ZEB1: variants seen among roughly 807,000 people sequenced by gnomAD.
ZEB1 encodes the protein zinc finger E-box-binding homeobox 1.
ZEB1 carries 21 observed loss-of-function variants against 84.9 expected under a neutral mutation model. The observed-to-expected ratio is 0.25, with a 90% CI of 0.18 to 0.36. The LOEUF (loss-of-function observed/expected upper bound fraction) is 0.36, where lower values mean the gene tolerates loss of function less well. ZEB1 is among the 10% of genes least tolerant of loss of function. The probability of loss-of-function intolerance (pLI) is 1.00; values close to 1 mark genes in which losing one functional copy is unlikely to be tolerated. For synonymous variants in ZEB1, 420 were observed against 471.1 expected (o/e 0.89, Z 1.41); for missense variants, 1,104 against 1,330.2 (o/e 0.83, Z 2.65).
At chr10:31,322,150 A>G (rs959130531) in intron 1 of ZEB1, 4 of 153,042 alleles carry the variant, frequency 2.6e-5, no homozygotes, top group Admixed American at 6.5e-5. Flanking sequence ...AATGCATTTC[A>G]TCCATTGCTG....
chr10:31,382,025 A>AAAAAAAAAAAAAAAAAAAC (rs1564659083), intron 1 of ZEB1, among the ~76,000 whole-genome samples: 1 of 146,162 alleles, frequency 6.8e-6, no homozygotes, highest in African/African-American at 2.7e-5. Flanking sequence ...AAAAAAAAAA[A>AAAAAAAAAAAAAAAAAAAC]AAAAAAAAAC....
rs1347337928 is a variant in ZEB1, at chr10:31,321,049, T to A, written c.58+1757T>A. 4.1e-6 allele frequency: 3 copies of A among 734,946 alleles called. No homozygotes were observed. In the African/African-American group the frequency reaches 5.7e-5, roughly 14 times the overall value. The allele number at this position is 734,946 out of a possible 1,614,324, so 45.5% of individuals were successfully genotyped here. A position where few individuals can be genotyped will look rare whatever the true frequency, so the allele number is the denominator to read the frequency against. The stretch of plus-strand genomic sequence containing the variant: ...ATAAATGCGTCTATAATGGGACCGC[T>A]GCAGCGTCGAGAAAACGAGGAAATA... On this transcript the variant is annotated intron_variant, in intron 1 of 8. Transcript: ENST00000424869.
chr10:31,415,097 G>A lies in ZEB1; in HGVS notation c.59-45940G>A, dbSNP rs112139244. On this transcript the variant is annotated intron_variant, in intron 1 of 8. Transcript: ENST00000424869. ...ACTTTGCCCACCTCCATCTTCTTAC[G>A]TTACAAAGAACTTTCATCTGCTAGG... Among the ~76,000 whole-genome samples, 652 of 152,120 alleles carry A rather than the reference G, an allele frequency of 4.3e-3. 8 individuals carry two copies. The highest frequency in any genetic ancestry group is 0.026 in the East Asian group (136 of 5,184).
chr10:31,363,342 G>C, intron 1 of ZEB1: 1 of 1,534,116 alleles, frequency 6.5e-7, no homozygotes, highest in Non-Finnish European at 8.7e-7. Flanking sequence ...CGACTCCATG[G>C]CCCTTGGAGT....
intron 6 of ZEB1, among the ~76,000 whole-genome samples, chr10:31,518,475 T>G (rs1438045485): frequency 6.6e-6 from 1 of 152,164 alleles, no homozygotes; most frequent in Non-Finnish European, 1.5e-5. Context: ...ATAGCTATTT[T>G]TTTGGCTCAA....
At chr10:31,355,369 A>G (rs939294703) in intron 1 of ZEB1, among the ~76,000 whole-genome samples, 4 of 152,190 alleles carry the variant, frequency 2.6e-5, no homozygotes, top group Non-Finnish European at 5.9e-5. Context: ...ACAAATATTT[A>G]TTAAATGCTA....
At chr10:31,335,762 A>T (rs1435297291) in intron 1 of ZEB1, among the ~76,000 whole-genome samples, 2 of 152,174 alleles carry the variant, frequency 1.3e-5, no homozygotes, top group African/African-American at 4.8e-5. Flanking sequence ...TTGTACTAGA[A>T]GTATAGCTAG....
At chr10:31,358,253 G>C (rs1327392674) in intron 1 of ZEB1, 1 of 152,146 alleles carries the variant, frequency 6.6e-6, no homozygotes, top group Admixed American at 6.5e-5. Flanking sequence ...TAGGCTCTCA[G>C]CATGGTCCAC....
At chr10:31,340,392 T>G (rs78753567) in intron 1 of ZEB1, among the ~76,000 whole-genome samples, 2,311 of 152,346 alleles carry the variant, frequency 0.015, 44 homozygotes, top group African/African-American at 0.052. Flanking sequence ...GAAATCTGTT[T>G]TTTGTTGAAT....
chr10:31,410,397 T>G (rs563601482), intron 1 of ZEB1, among the ~76,000 whole-genome samples: 1 of 152,300 alleles, frequency 6.6e-6, no homozygotes, highest in Admixed American at 6.5e-5. Flanking sequence ...ACTGCCGGAT[T>G]CAGTTTGCCA....
intron 6 of ZEB1, among the ~76,000 whole-genome samples, chr10:31,517,989 A>C (rs1178590730): frequency 1.3e-5 from 2 of 152,148 alleles, no homozygotes; most frequent in African/African-American, 4.8e-5. Flanking sequence ...ATCCTGACCC[A>C]AAGTCATTCC....
intron 1 of ZEB1, among the ~76,000 whole-genome samples, chr10:31,356,771 A>G (rs918586972): frequency 1.3e-5 from 2 of 152,198 alleles, no homozygotes; most frequent in Admixed American, 6.5e-5. Flanking sequence ...TTAGGGAAAT[A>G]ATAATGAGAC....
At chr10:31,469,069 T>TA (rs962448322) in intron 2 of ZEB1, among the ~76,000 whole-genome samples, 7 of 152,108 alleles carry the variant, frequency 4.6e-5, no homozygotes, top group Non-Finnish European at 8.8e-5. Flanking sequence ...ATATATTTTT[T>TA]AAAAAACAAA....
chr10:31,443,379 C>A (rs961614345), intron 1 of ZEB1, among the ~76,000 whole-genome samples: 2 of 150,308 alleles, frequency 1.3e-5, no homozygotes, highest in African/African-American at 2.4e-5. Context: ...CTTCTTATTC[C>A]AGGTTTGTAA....
At chr10:31,525,302 C>T (rs185919607) in intron 8 of ZEB1, among the ~76,000 whole-genome samples, 1 of 152,306 alleles carries the variant, frequency 6.6e-6, no homozygotes, top group East Asian at 1.9e-4. Flanking sequence ...AACTCCTGGC[C>T]TATTTCATTC....
At chr10:31,330,831 T>TTTTAAG (rs56940680) in intron 1 of ZEB1, among the ~76,000 whole-genome samples, 127,417 of 151,226 alleles carry the variant, frequency 0.84, 54,196 homozygotes, top group African/African-American at 0.93. Context: ...TAAGATAGTT[T>TTTTAAG]TTTAACTTTT....
chr10:31,441,336 G>A (rs1188914024), intron 1 of ZEB1, among the ~76,000 whole-genome samples: 2 of 152,174 alleles, frequency 1.3e-5, no homozygotes, highest in Non-Finnish European at 2.9e-5. Flanking sequence ...AATGGTGCTG[G>A]GAAAACTGAC....
At chr10:31,465,346 A>G (rs1441618923) in intron 2 of ZEB1, among the ~76,000 whole-genome samples, 1 of 152,014 alleles carries the variant, frequency 6.6e-6, no homozygotes, top group Non-Finnish European at 1.5e-5. Context: ...TTAAGTTCTT[A>G]TCAGTTTAAA....
In ZEB1 at chr10:31,524,236, G is replaced by A. The variant is rs575837258; in HGVS notation, c.2785+123G>A. ...TTTTTTTATTTTGTTTTGAGACAAG[G>A]TCTGGCTCTAGTCACCCAGGCTGGA... On this transcript the variant is annotated intron_variant, in intron 8 of 8. Coordinates refer to ENST00000424869, the MANE Select transcript of ZEB1 (RefSeq NM_001174096.2). The A allele has an allele frequency of 2.5e-4, 276 of 1,101,284 alleles. No individual in the cohort carries two copies. In the African/African-American group the frequency reaches 4.0e-3, roughly 16 times the overall value. 68.2% of individuals were successfully genotyped at this position (1,101,284 alleles called of 1,614,324 possible). A position where few individuals can be genotyped will look rare whatever the true frequency, so the allele number is the denominator to read the frequency against.
Sources: allele counts gnomAD v4.1 joint callset (sites outside exome capture counted in the v4.1 genomes callset), GRCh38; gene constraint gnomAD v4.1.1; transcripts MANE v1.5; gene names NCBI Gene and HGNC (gene_info 2026-07-23, HGNC 2026-07-21).